Variants in CYTH3 observed in about 807,000 individuals in gnomAD.
CYTH3 encodes cytohesin-3.
Under a neutral mutation model 55.1 loss-of-function variants are expected in CYTH3, and 23 were observed. The ratio of observed to expected loss-of-function variants is 0.42; its 90% CI spans 0.30 to 0.59. The LOEUF is 0.59. Ranked by LOEUF, CYTH3 falls within the 20% of genes least tolerant of loss-of-function variation. The probability of loss-of-function intolerance (pLI) is 0.20; values close to 1 mark genes in which losing one functional copy is unlikely to be tolerated. For synonymous variants in CYTH3, 249 were observed against 194.9 expected (o/e 1.28, Z -2.31); for missense variants, 413 against 524.8 (o/e 0.79, Z 2.08).
In CYTH3 at chr7:6,167,640, G is replaced by C. The variant is rs1041504414; in HGVS notation, c.824-1830C>G. ...CACTCAGCTTTAAACCCAACTCCTT[G>C]GGCGGCAGCAGGGGCTGCCCTTCCT... On this transcript the variant is annotated intron_variant, in intron 9 of 12. Coordinates refer to ENST00000350796, the MANE Select transcript of CYTH3 (RefSeq NM_004227.4). The surrounding 1 kb of genome is among the most constrained non-coding windows in gnomAD (Gnocchi z 5.5). 8.5e-5 allele frequency among the ~76,000 whole-genome samples: 13 copies of C among 152,214 alleles called. No individual in the cohort carries two copies. The highest frequency in any genetic ancestry group is 2.6e-4 in the Admixed American group (4 of 15,290).
At position 6,169,550 on chromosome 7, in the gene CYTH3, T is replaced by G. The variant is rs1421909658; in HGVS notation, c.823+985A>C. Among the ~76,000 whole-genome samples, 1 of 152,158 alleles carries G rather than the reference T, an allele frequency of 6.6e-6. No homozygotes were observed. The highest frequency in any genetic ancestry group is 1.9e-4 in the East Asian group (1 of 5,194). ...AAAATCACCAGGATGCTCCACTCCA[T>G]GTCTCACGTGCTGCCCAGCGGCCGC... On this transcript the variant is annotated intron_variant, in intron 9 of 12. Coordinates refer to ENST00000350796, the MANE Select transcript of CYTH3 (RefSeq NM_004227.4). The surrounding 1 kb of genome is among the most constrained non-coding windows in gnomAD (Gnocchi z 4.1).
intron 1 of CYTH3, among the ~76,000 whole-genome samples, chr7:6,254,883 T>C (rs1333254314): frequency 1.3e-5 from 2 of 152,240 alleles, no homozygotes; most frequent in African/African-American, 2.4e-5. Context: ...CATCGTACCA[T>C]TCCTTCAACT....
chr7:6,261,477 G>A (rs1260789403), intron 1 of CYTH3, among the ~76,000 whole-genome samples: 1 of 152,070 alleles, frequency 6.6e-6, no homozygotes, highest in African/African-American at 2.4e-5. Context: ...CACCTTTGGA[G>A]GCTGAGGCAG....
Position 6,228,481 on chromosome 7 carries a change from G to A in CYTH3, c.35-37950C>T, listed in dbSNP as rs1779306086. Among the ~76,000 whole-genome samples the A allele has an allele frequency of 2.0e-5, 3 of 152,196 alleles. No individual in the cohort carries two copies. The South Asian group carries it at 6.2e-4, about 31-fold the overall frequency. ...GAAAAGAATCAAGTTCTCAAGTTGTGTGGGAGGGTAGGATTCAGGGGTCAG... is the reference window on the plus strand; with the variant it reads ...GAAAAGAATCAAGTTCTCAAGTTGTATGGGAGGGTAGGATTCAGGGGTCAG... On this transcript the variant is annotated intron_variant, in intron 1 of 12. Coordinates refer to ENST00000350796, the MANE Select transcript of CYTH3 (RefSeq NM_004227.4).
At chr7:6,258,646 A>G (rs1464491618) in intron 1 of CYTH3, among the ~76,000 whole-genome samples, 3 of 152,220 alleles carry the variant, frequency 2.0e-5, no homozygotes, top group Non-Finnish European at 4.4e-5. Flanking sequence ...TGGCTGTAAC[A>G]ATGACGACAA....
In CYTH3 at chr7:6,175,849, T is replaced by G. The variant is rs530023222; in HGVS notation, c.368+1974A>C. The stretch of plus-strand genomic sequence containing the variant: ...GAGTGAGTCACCGTGCCTGGCCACT[T>G]TATTTTGTAATCAGGAAATGTGAGT... On this transcript the variant is annotated intron_variant, in intron 5 of 12. Transcript: ENST00000350796. 2.0e-5 allele frequency among the ~76,000 whole-genome samples: 3 copies of G among 152,272 alleles called. No individual in the cohort carries two copies. The East Asian group carries it at 5.8e-4, about 29-fold the overall frequency.
chr7:6,242,213 A>G (rs981704364), intron 1 of CYTH3, among the ~76,000 whole-genome samples: 2 of 151,328 alleles, frequency 1.3e-5, no homozygotes, highest in Non-Finnish European at 2.9e-5. Flanking sequence ...AGTAGCTGGG[A>G]CTACAGGCGC....
intron 1 of CYTH3, among the ~76,000 whole-genome samples, chr7:6,208,242 G>C (rs1406831278): frequency 6.6e-6 from 1 of 152,132 alleles, no homozygotes; most frequent in Non-Finnish European, 1.5e-5. Context: ...TAACTGCTTT[G>C]TATTTACATG....
chr7:6,215,847 A>C (rs1313363734), intron 1 of CYTH3, among the ~76,000 whole-genome samples: 1 of 152,218 alleles, frequency 6.6e-6, no homozygotes. Context: ...AATTCAAATG[A>C]CAATGGGCTT....
intron 1 of CYTH3, among the ~76,000 whole-genome samples, chr7:6,247,068 C>CA (rs1177294094): frequency 1.3e-5 from 2 of 152,344 alleles, no homozygotes; most frequent in Non-Finnish European, 2.9e-5. Flanking sequence ...GGTACTGGCT[C>CA]ACATAACTCC....
chr7:6,253,458 C>T (rs1385590666), intron 1 of CYTH3, among the ~76,000 whole-genome samples: 1 of 152,026 alleles, frequency 6.6e-6, no homozygotes, highest in Non-Finnish European at 1.5e-5. Flanking sequence ...ATCCGCCTGC[C>T]TCGGCCTCTC....
At chr7:6,268,812 C>T (rs1021093722) in intron 1 of CYTH3, among the ~76,000 whole-genome samples, 1 of 152,028 alleles carries the variant, frequency 6.6e-6, no homozygotes, top group African/African-American at 2.4e-5. Flanking sequence ...CTTTAAGAAT[C>T]TGATATAGAG....
At chr7:6,200,759 T>C (rs1386222659) in intron 1 of CYTH3, among the ~76,000 whole-genome samples, 1 of 152,170 alleles carries the variant, frequency 6.6e-6, no homozygotes, top group Admixed American at 6.5e-5. Context: ...TCCAGCAATT[T>C]AAACTGGTTA....
intron 1 of CYTH3, among the ~76,000 whole-genome samples, chr7:6,229,680 G>A (rs572087006): frequency 2.0e-3 from 298 of 151,220 alleles, no homozygotes; most frequent in South Asian, 3.4e-3. Flanking sequence ...AGCCGGGCAT[G>A]GTGGGAGGTG....
rs571604295 is a variant in CYTH3, at chr7:6,217,124, G to A, written c.35-26593C>T. Among the ~76,000 whole-genome samples the A allele has an allele frequency of 3.3e-5, 5 of 152,228 alleles. No individual in the cohort carries two copies. In the East Asian group the frequency reaches 9.6e-4, roughly 29 times the overall value. On this transcript the variant is annotated intron_variant, in intron 1 of 12. Transcript: ENST00000350796. ...GACAGGGTTTCACCATGTTGGCCAGGCTGGTCTCGAACTCCTAACCTCAGG... is the reference window on the plus strand; with the variant it reads ...GACAGGGTTTCACCATGTTGGCCAGACTGGTCTCGAACTCCTAACCTCAGG...
intron 1 of CYTH3, among the ~76,000 whole-genome samples, chr7:6,259,757 T>TTA (rs374899666): frequency 0.029 from 1,079 of 37,374 alleles, 45 homozygotes; most frequent in Non-Finnish European, 0.035. Flanking sequence ...TATATATATA[T>TTA]TATATATATA....
At chr7:6,166,349 T>G (rs1009464452) in intron 9 of CYTH3, among the ~76,000 whole-genome samples, 16 of 152,366 alleles carry the variant, frequency 1.1e-4, no homozygotes, top group Admixed American at 1.0e-3. Context: ...CTCTGATCCT[T>G]AAACACTGAG....
intron 1 of CYTH3, among the ~76,000 whole-genome samples, chr7:6,221,431 C>T (rs973081226): frequency 6.6e-6 from 1 of 152,146 alleles, no homozygotes; most frequent in African/African-American, 2.4e-5. Flanking sequence ...GAGGAGAAGA[C>T]AACTGGGGTA....
In CYTH3 at chr7:6,164,694, G is replaced by T; in HGVS notation, c.*250C>A. On this transcript the variant is annotated 3_prime_UTR_variant, in exon 13 of 13. Transcript: ENST00000350796. ...GCCGACCATGACCCCAGCCACGGCA[G>T]GAGGCCTCGAGGATCAGTCTGGGCC... 1.8e-6 allele frequency: 1 copy of T among 553,654 alleles called. No homozygotes were observed. The highest frequency in any genetic ancestry group is 3.2e-6 in the Non-Finnish European group (1 of 311,462). 34.3% of individuals were successfully genotyped at this position (553,654 alleles called of 1,614,324 possible).
Sources: allele counts gnomAD v4.1 joint callset (sites outside exome capture counted in the v4.1 genomes callset), GRCh38; gene constraint gnomAD v4.1.1; non-coding constraint Gnocchi (gnomAD v3.1); transcripts MANE v1.5; gene names NCBI Gene and HGNC (gene_info 2026-07-23, HGNC 2026-07-21).